Variants in HYDIN observed in about 807,000 individuals in gnomAD.
HYDIN encodes HYDIN axonemal central pair apparatus protein.
HYDIN carries 132 observed loss-of-function variants against 403.9 expected under a neutral mutation model. That is an observed-to-expected ratio of 0.33 (90% confidence interval 0.28 to 0.38). HYDIN has a LOEUF of 0.38. HYDIN is among the 10% of genes least tolerant of loss of function. HYDIN has a pLI of 1.00. For synonymous variants in HYDIN, 1,202 were observed against 1,891.7 expected, an observed-to-expected ratio of 0.64 and a Z score of 9.46; for missense variants, 2,827 against 5,009.5, an observed-to-expected ratio of 0.56 and a Z score of 13.15.
chr16:70,829,830 C>A lies in HYDIN; in HGVS notation c.13900G>T (p.Val4634Leu), dbSNP rs1377616970. ...VCVGPPAVKE[V>L]VNFTCQVRSK... The stretch of plus-strand genomic sequence containing the variant: ...CGCACCTGGCACGTGAAATTCACTA[C>A]CTGGAAGAAAGCAGGCACCTCATCT... Residue 4634 changes from valine to leucine, a missense_variant and splice_region_variant, in exon 81 of 86, where the codon GTA (valine) becomes TTA (leucine). Coordinates refer to ENST00000393567, the MANE Select transcript of HYDIN (RefSeq NM_001270974.2). 3.1e-6 allele frequency: 5 copies of A among 1,613,806 alleles called. No homozygotes were observed. In the South Asian group the frequency reaches 5.5e-5, roughly 18 times the overall value.
rs138080752 is a variant in HYDIN at position 70,912,061 on chromosome 16, G to A, written c.8005-3200C>T. On this transcript the variant is annotated intron_variant, in intron 47 of 85. Coordinates refer to ENST00000393567, the MANE Select transcript of HYDIN (RefSeq NM_001270974.2). ...TGACCACGTCATCAGCAAACAGTGA[G>A]AGTCTGACTTCCTCTTTGCTGATTT... is the stretch of plus-strand genomic sequence containing the variant. Among the ~76,000 whole-genome samples, 652 of 151,868 alleles carry A rather than the reference G, an allele frequency of 4.3e-3. 2 individuals are homozygous for A. Among genetic ancestry groups the A allele is most frequent in the African/African-American group, 0.015 (614 of 41,266 alleles).
At chr16:70,830,730 G>A (rs1447945830) in intron 80 of HYDIN, among the ~76,000 whole-genome samples, 2 of 152,028 alleles carry the variant, frequency 1.3e-5, no homozygotes, top group African/African-American at 2.4e-5. Flanking sequence ...GTGGAAGAAG[G>A]CTCAAGAATG....
At chr16:70,819,073 C>T (rs1298178284) in intron 83 of HYDIN, among the ~76,000 whole-genome samples, 4 of 150,210 alleles carry the variant, frequency 2.7e-5, no homozygotes, top group Non-Finnish European at 5.9e-5. Flanking sequence ...TGCCACCATG[C>T]CTGGCTAATT....
At chr16:71,149,593 C>T (rs1283716138) in intron 7 of HYDIN, among the ~76,000 whole-genome samples, 4 of 152,002 alleles carry the variant, frequency 2.6e-5, no homozygotes, top group African/African-American at 9.7e-5. Flanking sequence ...GTAGTGCAAT[C>T]TCTGCTCACT....
Position 70,979,061 on chromosome 16 carries a change from G to C in HYDIN, c.4511-20C>G, listed in dbSNP as rs572414307. 169 of 1,602,640 alleles carry C rather than the reference G, an allele frequency of 1.1e-4. 2 individuals are homozygous for C. The South Asian group carries it at 1.9e-3, about 18-fold the overall frequency. On this transcript the variant is annotated intron_variant, in intron 29 of 85. Coordinates refer to ENST00000393567, the MANE Select transcript of HYDIN (RefSeq NM_001270974.2). ...CATTTGCTGTACCAGGGTGGGGAGT[G>C]GGGGTTGGAAGGAGAGCAGAATCAG...
chr16:70,948,072 G>C (rs2077937068), intron 41 of HYDIN, among the ~76,000 whole-genome samples: 2 of 151,754 alleles, frequency 1.3e-5, no homozygotes, highest in Non-Finnish European at 2.9e-5. Flanking sequence ...CAAGGCTACA[G>C]TAACCAAAAC....
intron 44 of HYDIN, among the ~76,000 whole-genome samples, chr16:70,937,960 G>A (rs901286993): frequency 4.6e-5 from 7 of 152,126 alleles, no homozygotes; most frequent in African/African-American, 7.2e-5. Flanking sequence ...AAGTATCCTG[G>A]GCACTAGGAG....
intron 12 of HYDIN, among the ~76,000 whole-genome samples, chr16:71,085,747 T>C (rs1284286073): frequency 6.6e-6 from 1 of 152,232 alleles, no homozygotes; most frequent in Non-Finnish European, 1.5e-5. Context: ...TTAAAGTCTA[T>C]TTTGTCTGAT....
intron 53 of HYDIN, among the ~76,000 whole-genome samples, chr16:70,897,748 G>A (rs1310718154): frequency 6.6e-6 from 1 of 152,160 alleles, no homozygotes; most frequent in Non-Finnish European, 1.5e-5. Context: ...ATTTCCTTCT[G>A]TGGATGTGGA....
At chr16:71,224,559 CTTTTTTTTTT>C (rs34595246) in intron 1 of HYDIN, among the ~76,000 whole-genome samples, 1 of 117,388 alleles carries the variant, frequency 8.5e-6, no homozygotes, top group African/African-American at 3.1e-5. Context: ...TAAGGTTTTT[CTTTTTTTTTT>C]TTTTTTTTTT....
In HYDIN at chr16:70,875,598, C is replaced by T. The variant is rs578146234; in HGVS notation, c.10558-679G>A. Among the ~76,000 whole-genome samples the T allele has an allele frequency of 6.0e-3, 918 of 152,186 alleles. 5 individuals carry two copies. Among genetic ancestry groups the T allele is most frequent in the African/African-American group, 0.021 (870 of 41,516 alleles). ...AGAAGGCAGAAATAGTGATATCACA[C>T]GGGAAGCTTCTGAGATAAAAAATTA... On this transcript the variant is annotated intron_variant, in intron 62 of 85. Transcript: ENST00000393567.
At chr16:71,218,265 G>A (rs949604189) in intron 1 of HYDIN, among the ~76,000 whole-genome samples, 7 of 152,110 alleles carry the variant, frequency 4.6e-5, no homozygotes, top group African/African-American at 1.7e-4. Flanking sequence ...ATAAGATATG[G>A]GGAGAAAACA....
In HYDIN at chr16:71,025,414, G is replaced by C; in HGVS notation, c.3155C>G (p.Ser1052Cys). ...CEFVAPLIQL[S>C]TKQLIYRLEK... The stretch of plus-strand genomic sequence containing the variant: ...CAGTCGGTAGATGAGCTGCTTGGTG[G>C]AGAGCTGGATGAGAGGTGCGACGAA... The change falls in exon 21 of 86, where the codon TCC (serine) becomes TGC (cysteine). Residue 1052 changes from serine to cysteine, a missense_variant. Physicochemically the swap from Ser to Cys is moderately radical, Grantham distance 112. Coordinates refer to ENST00000393567, the MANE Select transcript of HYDIN (RefSeq NM_001270974.2). 1 of 319,022 alleles carries C rather than the reference G, an allele frequency of 3.1e-6. No homozygotes were observed. Among genetic ancestry groups the C allele is most frequent in the South Asian group, 1.2e-4 (1 of 8,424 alleles). 19.8% of individuals were successfully genotyped at this position (319,022 alleles called of 1,614,324 possible).
intron 7 of HYDIN, among the ~76,000 whole-genome samples, chr16:71,151,513 C>T (rs2085536458): frequency 6.6e-6 from 1 of 151,956 alleles, no homozygotes; most frequent in Non-Finnish European, 1.5e-5. Context: ...CTTTCCTGAG[C>T]CCTGCATTCC....
intron 10 of HYDIN, chr16:71,114,142 T>A (rs2083929517): frequency 6.6e-6 from 1 of 151,942 alleles, no homozygotes; most frequent in African/African-American, 2.4e-5. Flanking sequence ...TTTTCTCCCC[T>A]TCATAAAAAG....
intron 20 of HYDIN, 89 bp downstream of exon 20, chr16:71,027,513 A>G: frequency 1.3e-6 from 2 of 1,542,070 alleles, no homozygotes; most frequent in Non-Finnish European, 1.7e-6. Flanking sequence ...CCTTCCTCAG[A>G]TAAATGTCAA....
At chr16:71,011,759 G>A (rs1314742366) in intron 23 of HYDIN, among the ~76,000 whole-genome samples, 2 of 151,536 alleles carry the variant, frequency 1.3e-5, no homozygotes, top group Non-Finnish European at 2.9e-5. Context: ...AACAGAAATT[G>A]AGGAATGATG....
intron 65 of HYDIN, 108 bp downstream of exon 65, chr16:70,871,929 G>C (rs2143653898): frequency 3.3e-6 from 2 of 613,730 alleles, no homozygotes; most frequent in East Asian, 2.8e-5. Context: ...CTCTCAGCTT[G>C]AGATGCATTA....
intron 39 of HYDIN, chr16:70,959,437 G>A (rs374723029): frequency 6.1e-5 from 12 of 197,206 alleles, no homozygotes; most frequent in African/African-American, 2.1e-4. Flanking sequence ...ACCACTTTAC[G>A]GACAGGGAAA....
Sources: gnomAD v4.1 joint callset for allele counts (sites outside exome capture counted in the v4.1 genomes callset) on GRCh38, gnomAD v4.1.1 for gene constraint, MANE v1.5 for transcripts, NCBI Gene and HGNC (gene_info 2026-07-23, HGNC 2026-07-21) for gene names.